The following ARHGAP44 variants were observed in gnomAD, a reference collection of about 807,000 sequenced individuals.
ARHGAP44 encodes Rho GTPase activating protein 44.
In ARHGAP44, 43 loss-of-function variants were observed where a neutral mutation model predicts 106.8. The observed-to-expected ratio is 0.40, with a 90% CI of 0.32 to 0.52. The LOEUF (loss-of-function observed/expected upper bound fraction) is 0.52, where lower values mean the gene tolerates loss of function less well. Among genes scored for constraint, ARHGAP44 ranks in the 20% least tolerant of loss-of-function variants. The pLI, the probability that ARHGAP44 is intolerant of heterozygous loss-of-function variation, is 0.48. For synonymous variants in ARHGAP44, 439 were observed against 410.3 expected, an observed-to-expected ratio of 1.07 and a Z score of -0.85; for missense variants, 866 against 1,050.5, an observed-to-expected ratio of 0.82 and a Z score of 2.43.
At chr17:12,818,657 C>A (rs1415392331) in intron 1 of ARHGAP44, among the ~76,000 whole-genome samples, 4 of 151,932 alleles carry the variant, frequency 2.6e-5, no homozygotes, top group African/African-American at 9.7e-5. Context: ...GTCTAAACGC[C>A]ACTTATATTT....
chr17:12,856,050 A>G (rs2035901536), intron 1 of ARHGAP44, among the ~76,000 whole-genome samples: 1 of 152,192 alleles, frequency 6.6e-6, no homozygotes, highest in African/African-American at 2.4e-5. Context: ...CACCCTAATG[A>G]TAGCCGGTAT....
intron 1 of ARHGAP44, among the ~76,000 whole-genome samples, chr17:12,828,057 T>C (rs924132884): frequency 2.0e-5 from 3 of 147,224 alleles, no homozygotes; most frequent in Non-Finnish European, 4.5e-5. Context: ...AAAAGTCTAA[T>C]AGTTACTTAT....
chr17:12,887,821 T>C (rs35477639), intron 1 of ARHGAP44, among the ~76,000 whole-genome samples: 5,861 of 152,050 alleles, frequency 0.039, 161 homozygotes, highest in Middle Eastern at 0.068. Flanking sequence ...CTATAGAGAA[T>C]ATTCAAATGA....
Position 12,959,155 on chromosome 17 carries a change from A to C in ARHGAP44, c.1523+258A>C. 1.1e-5 allele frequency: 5 copies of C among 442,640 alleles called. No homozygotes were observed. In the South Asian group the frequency reaches 1.5e-4, roughly 13 times the overall value. The allele number at this position is 442,640 out of a possible 1,614,324, so 27.4% of individuals were successfully genotyped here. A position where few individuals can be genotyped will look rare whatever the true frequency, so the allele number is the denominator to read the frequency against. On this transcript the variant is annotated intron_variant, in intron 16 of 20. Coordinates refer to ENST00000379672, the MANE Select transcript of ARHGAP44 (RefSeq NM_014859.6). ...TTAATTAGTTCTCATCAAAAGAAAG[A>C]AAAAGTAGTCACTGAGTGCAATTAA... is the stretch of plus-strand genomic sequence containing the variant.
Position 12,868,591 on chromosome 17 carries a change from TTATATATATATA to T in ARHGAP44, c.54-26319_54-26308del, listed in dbSNP as rs1209692482. Among the ~76,000 whole-genome samples, 177 of 47,152 alleles carry T rather than the reference TTATATATATATA, an allele frequency of 3.8e-3. 3 individuals carry two copies. Among genetic ancestry groups the T allele is most frequent in the African/African-American group, 9.2e-3 (143 of 15,472 alleles). 30.9% of individuals were successfully genotyped at this position (47,152 alleles called of 152,430 possible). A position where few individuals can be genotyped will look rare whatever the true frequency, so the allele number is the denominator to read the frequency against. On this transcript the variant is annotated intron_variant, in intron 1 of 20. Coordinates refer to ENST00000379672, the MANE Select transcript of ARHGAP44 (RefSeq NM_014859.6). Reference sequence around the variant, plus strand: ...ATTTAAAAAGTCATATATATGCATTTTATATATATATATATATATATATATATATATATATAT... The same window carrying T: ...ATTTAAAAAGTCATATATATGCATTTTATATATATATATATATATATATAT...
At chr17:12,987,397 TC>T in intron 20 of ARHGAP44, 1 of 426,472 alleles carries the variant, frequency 2.3e-6, no homozygotes. Context: ...CCAGCCCCTT[TC>T]CCCCACCTTC....
chr17:12,978,251 T>C (rs1206858669), intron 18 of ARHGAP44, among the ~76,000 whole-genome samples: 1 of 152,142 alleles, frequency 6.6e-6, no homozygotes. Flanking sequence ...GGTAGGTAGA[T>C]ATTTGGCATT....
At chr17:12,900,444 A>G (rs895438457) in intron 3 of ARHGAP44, among the ~76,000 whole-genome samples, 1 of 152,186 alleles carries the variant, frequency 6.6e-6, no homozygotes, top group Non-Finnish European at 1.5e-5. Flanking sequence ...TGCCATCTTT[A>G]GTCCTGGATA....
chr17:12,987,303 T>C (rs1439880810), intron 20 of ARHGAP44: 12 of 636,664 alleles, frequency 1.9e-5, no homozygotes, highest in Non-Finnish European at 3.0e-5. Flanking sequence ...CAAGGATGAG[T>C]TGATCCATGA....
intron 1 of ARHGAP44, among the ~76,000 whole-genome samples, chr17:12,806,675 T>G (rs2034283537): frequency 6.6e-6 from 1 of 152,242 alleles, no homozygotes; most frequent in African/African-American, 2.4e-5. Context: ...TTTGGCTCTA[T>G]CACTTGCTAG....
intron 1 of ARHGAP44, among the ~76,000 whole-genome samples, chr17:12,869,923 A>G (rs1211431461): frequency 6.6e-6 from 1 of 151,960 alleles, no homozygotes; most frequent in Non-Finnish European, 1.5e-5. Context: ...AATAACCCCC[A>G]TTATATTTTT....
At chr17:12,938,936 GCC>G (rs1194002647) in intron 7 of ARHGAP44, among the ~76,000 whole-genome samples, 1 of 152,182 alleles carries the variant, frequency 6.6e-6, no homozygotes, top group East Asian at 1.9e-4. Context: ...AAGCACAGAT[GCC>G]GAGATGTTGA....
intron 6 of ARHGAP44, among the ~76,000 whole-genome samples, chr17:12,924,670 T>C (rs2038182359): frequency 6.6e-6 from 1 of 152,170 alleles, no homozygotes. Context: ...AATGAGGTCA[T>C]AAGAATGGGC....
chr17:12,853,701 A>G (rs1313126789), intron 1 of ARHGAP44, among the ~76,000 whole-genome samples: 2 of 152,170 alleles, frequency 1.3e-5, no homozygotes, highest in Non-Finnish European at 2.9e-5. Context: ...TCAAGACATG[A>G]CAGAGTTAAC....
At chr17:12,836,863 A>T (rs944875643) in intron 1 of ARHGAP44, among the ~76,000 whole-genome samples, 2 of 152,216 alleles carry the variant, frequency 1.3e-5, no homozygotes, top group African/African-American at 4.8e-5. Flanking sequence ...TTATTGATAG[A>T]ATCAGTTCAC....
At chr17:12,907,964 T>C (rs1386482454) in intron 3 of ARHGAP44, among the ~76,000 whole-genome samples, 1 of 152,164 alleles carries the variant, frequency 6.6e-6, no homozygotes, top group Non-Finnish European at 1.5e-5. Flanking sequence ...TCCTTATTTT[T>C]TTTTTGCTTT....
intron 7 of ARHGAP44, 149 bp from the exon 8 acceptor site, chr17:12,940,907 A>T: frequency 1.7e-6 from 1 of 586,424 alleles, no homozygotes; most frequent in Non-Finnish European, 2.9e-6. Flanking sequence ...AAATATGCAA[A>T]TGCCCATGGA....
chr17:12,852,109 A>G (rs73978248), intron 1 of ARHGAP44, among the ~76,000 whole-genome samples: 3,769 of 148,642 alleles, frequency 0.025, 178 homozygotes, highest in African/African-American at 0.089. Flanking sequence ...GCTTGCCTGC[A>G]AGGCTATCTG....
chr17:12,803,321 G>T (rs2034178407), intron 1 of ARHGAP44, among the ~76,000 whole-genome samples: 1 of 151,766 alleles, frequency 6.6e-6, no homozygotes, highest in South Asian at 2.1e-4. Context: ...TGGCCAGACT[G>T]GTCTTGAACT....
Sources: gnomAD v4.1 joint callset for allele counts (sites outside exome capture counted in the v4.1 genomes callset) on GRCh38, gnomAD v4.1.1 for gene constraint, MANE v1.5 for transcripts, NCBI Gene and HGNC (gene_info 2026-07-23, HGNC 2026-07-21) for gene names.